The following VPS50 variants were observed in gnomAD, a reference collection of about 807,000 sequenced individuals.
VPS50 encodes VPS50 subunit of EARP/GARPII complex.
VPS50 carries 70 observed loss-of-function variants against 139.7 expected under a neutral mutation model. The observed-to-expected ratio is 0.50, with a 90% CI of 0.41 to 0.61. The LOEUF (loss-of-function observed/expected upper bound fraction) is 0.61. Among genes scored for constraint, VPS50 ranks in the 20% least tolerant of loss-of-function variants. The pLI is 0.00. For synonymous variants in VPS50, 365 were observed against 376.7 expected (o/e 0.97, Z 0.36); for missense variants, 921 against 1,133.7 (o/e 0.81, Z 2.69).
At chr7:93,347,719 C>A (rs1191812939) in intron 23 of VPS50, among the ~76,000 whole-genome samples, 1 of 147,826 alleles carries the variant, frequency 6.8e-6, no homozygotes, top group Non-Finnish European at 1.5e-5. Flanking sequence ...AGTAAACTAT[C>A]GCAAGAACAA....
chr7:93,237,574 T>C (rs1225415762), intron 1 of VPS50, among the ~76,000 whole-genome samples: 1 of 152,216 alleles, frequency 6.6e-6, no homozygotes, highest in African/African-American at 2.4e-5. Context: ...GGACTAGCTC[T>C]GGGGAAAGAG....
chr7:93,329,507 AGAG>A (rs1797875637), intron 21 of VPS50, among the ~76,000 whole-genome samples: 1 of 151,920 alleles, frequency 6.6e-6, no homozygotes, highest in Non-Finnish European at 1.5e-5. Flanking sequence ...ATGGAGAAGA[AGAG>A]AGAGAGAATG....
intron 19 of VPS50, among the ~76,000 whole-genome samples, chr7:93,309,950 TTC>T (rs765363985): frequency 1.3e-5 from 2 of 152,014 alleles, no homozygotes; most frequent in Admixed American, 6.6e-5. Context: ...ACTGAAATAA[TTC>T]TGTTTTCAAA....
At chr7:93,357,821 A>G (rs1005544443) in intron 27 of VPS50, among the ~76,000 whole-genome samples, 6 of 152,096 alleles carry the variant, frequency 3.9e-5, no homozygotes, top group Non-Finnish European at 7.4e-5. Context: ...CAGCTCCCTG[A>G]CTTTGTGATC....
intron 21 of VPS50, among the ~76,000 whole-genome samples, chr7:93,330,977 A>G (rs760184807): frequency 1.6e-5 from 2 of 128,776 alleles, no homozygotes; most frequent in Non-Finnish European, 3.1e-5. Context: ...ACAAAAATCA[A>G]TAATAATCAA....
chr7:93,324,916 G>T (rs2117024896), intron 21 of VPS50, among the ~76,000 whole-genome samples: 1 of 152,262 alleles, frequency 6.6e-6, no homozygotes, highest in South Asian at 2.1e-4. Context: ...AGCTGCCAAT[G>T]ACTTTCTTCA....
chr7:93,240,217 GCACACACA>G (rs371902647), intron 2 of VPS50, among the ~76,000 whole-genome samples: 28 of 142,384 alleles, frequency 2.0e-4, no homozygotes, highest in African/African-American at 4.2e-4. Flanking sequence ...ATATGTGTAT[GCACACACA>G]CACACACACA....
In VPS50 at chr7:93,253,908, A is replaced by G; in HGVS notation, c.274A>G (p.Lys92Glu). Reference sequence around the variant, plus strand: ...GCAAGAATTAGAGGCGTATAGAGACAAATTGAAACAACAGCAAGCTGCAGT... The same window carrying G: ...GCAAGAATTAGAGGCGTATAGAGACGAATTGAAACAACAGCAAGCTGCAGT... ...NLQELEAYRD[K>E]LKQQQAAVSK... Residue 92 changes from lysine (K) to glutamate (E), a missense_variant, in exon 4 of 28, where the codon AAA becomes GAA. Around this residue, in one of 3 missense-constraint regions of VPS50, gnomAD observed 744 missense variants for 930.6 expected, o/e 0.80. Transcript: ENST00000305866. 2 of 1,598,164 alleles carry G rather than the reference A, an allele frequency of 1.3e-6. No individual in the cohort carries two copies. The highest frequency in any genetic ancestry group is 1.7e-6 in the Non-Finnish European group (2 of 1,169,056).
Position 93,294,599 on chromosome 7 carries a change from A to G in VPS50, c.1130A>G (p.Lys377Arg). Residue 377 changes from lysine (K) to arginine (R), a missense_variant, in exon 14 of 28, where the codon AAA becomes AGA. Physicochemically the swap from Lys to Arg is conservative, Grantham distance 26. Around this residue, in one of 3 missense-constraint regions of VPS50, gnomAD observed 744 missense variants for 930.6 expected, o/e 0.80. Coordinates refer to ENST00000305866, the MANE Select transcript of VPS50 (RefSeq NM_017667.4). The part of the protein sequence containing the change: ...EETNFDRGYI[K>R]KKLEHGLTRI... ...ACTAATTTTGATCGTGGCTACATAAAAAAGAAATTAGAACATGGACTTACA... is the reference window on the plus strand; with the variant it reads ...ACTAATTTTGATCGTGGCTACATAAGAAAGAAATTAGAACATGGACTTACA... 1 of 1,600,280 alleles carries G rather than the reference A, an allele frequency of 6.2e-7. No individual in the cohort carries two copies. Among genetic ancestry groups the G allele is most frequent in the Non-Finnish European group, 8.5e-7 (1 of 1,174,690 alleles).
intron 9 of VPS50, among the ~76,000 whole-genome samples, chr7:93,262,241 A>G (rs1398840967): frequency 1.3e-5 from 2 of 152,224 alleles, no homozygotes; most frequent in Non-Finnish European, 2.9e-5. Context: ...AAACTTTTAT[A>G]TAATTAAAAA....
At chr7:93,279,712 G>A (rs1407834408) in intron 12 of VPS50, among the ~76,000 whole-genome samples, 1 of 152,200 alleles carries the variant, frequency 6.6e-6, no homozygotes, top group African/African-American at 2.4e-5. Context: ...AAAGAGTCTA[G>A]GCATTTTGGC....
intron 9 of VPS50, among the ~76,000 whole-genome samples, chr7:93,265,634 G>A (rs1361756420): frequency 1.3e-5 from 2 of 152,002 alleles, no homozygotes; most frequent in Admixed American, 1.3e-4. Context: ...GTACAATCTC[G>A]GTTCACTGCA....
At chr7:93,331,645 C>T (rs932498730) in intron 21 of VPS50, among the ~76,000 whole-genome samples, 1 of 151,948 alleles carries the variant, frequency 6.6e-6, no homozygotes, top group Non-Finnish European at 1.5e-5. Flanking sequence ...CTAGAAAAAA[C>T]TAGGAGAAAA....
chr7:93,306,388 G>A (rs1327871276), intron 18 of VPS50, among the ~76,000 whole-genome samples: 1 of 151,886 alleles, frequency 6.6e-6, no homozygotes, highest in African/African-American at 2.4e-5. Context: ...ATGGGTCACT[G>A]ATTCATTTTG....
chr7:93,301,063 A>G lies in VPS50; in HGVS notation c.1362-2397A>G, dbSNP rs1271886507. On this transcript the variant is annotated intron_variant, in intron 16 of 27. Coordinates refer to ENST00000305866, the MANE Select transcript of VPS50 (RefSeq NM_017667.4). Reference sequence around the variant, plus strand: ...TATAATCCCAGCACTTTGGGAGGCCAAGGTGAGTGGATCACGAGGTCAAGA... The same window carrying G: ...TATAATCCCAGCACTTTGGGAGGCCGAGGTGAGTGGATCACGAGGTCAAGA... 3.9e-5 allele frequency among the ~76,000 whole-genome samples: 6 copies of G among 152,104 alleles called. No individual in the cohort carries two copies. In the East Asian group the frequency reaches 1.2e-3, roughly 29 times the overall value.
In VPS50 at chr7:93,296,811, A is replaced by G. The variant is rs1796824872; in HGVS notation, c.1237A>G (p.Ile413Val). Residue 413 changes from isoleucine (I) to valine (V), a missense_variant, in exon 15 of 28, where the codon ATC (isoleucine) becomes GTC (valine). This residue lies in a region of VPS50 where 744 missense variants were observed against 930.6 expected (regional missense o/e 0.80). Transcript: ENST00000305866. The part of the protein sequence containing the change: ...DLSIFKYDDF[I>V]FVLDIISRLM... ...GTCTATATTCAAATATGATGATTTC[A>G]TCTTTGTTTTGGATATAATCAGCAG... The G allele has an allele frequency of 2.5e-6, 4 of 1,603,690 alleles. No individual in the cohort carries two copies. The highest frequency in any genetic ancestry group is 1.3e-5 in the African/African-American group (1 of 74,456).
chr7:93,292,962 G>T (rs925118415), intron 13 of VPS50, among the ~76,000 whole-genome samples: 1 of 152,098 alleles, frequency 6.6e-6, no homozygotes, highest in Non-Finnish European at 1.5e-5. Context: ...TGAGCTCTGC[G>T]ATCTGAGAGG....
Position 93,237,793 on chromosome 7 carries a change from A to T in VPS50, c.34-2073A>T, listed in dbSNP as rs571852036. Among the ~76,000 whole-genome samples, 21 of 152,300 alleles carry T rather than the reference A, an allele frequency of 1.4e-4. No homozygotes were observed. The South Asian group carries it at 4.3e-3, about 32-fold the overall frequency. On this transcript the variant is annotated intron_variant, in intron 1 of 27. Transcript: ENST00000305866. ...AAGGGTACCTATGCAAGTTTGTTCTATAGGTAAACTCGTGTCACAGGGGTT... is the reference window on the plus strand; with the variant it reads ...AAGGGTACCTATGCAAGTTTGTTCTTTAGGTAAACTCGTGTCACAGGGGTT...
At chr7:93,271,072 T>C in intron 9 of VPS50, 148 bp from the exon 10 acceptor site, 1 of 1,227,648 alleles carries the variant, frequency 8.1e-7, no homozygotes, top group Non-Finnish European at 1.1e-6. Context: ...TCTTATTGCA[T>C]TGTCTATATG....
Sources: allele counts gnomAD v4.1 joint callset (sites outside exome capture counted in the v4.1 genomes callset), GRCh38; gene constraint gnomAD v4.1.1; regional missense constraint gnomAD v4.1.1; transcripts MANE v1.5; gene names NCBI Gene and HGNC (gene_info 2026-07-23, HGNC 2026-07-21).